Variants in TESC observed in about 807,000 individuals in gnomAD.
TESC encodes the protein calcineurin B homologous protein 3.
TESC carries 19 observed loss-of-function variants against 31.0 expected under a neutral mutation model. The ratio of observed to expected loss-of-function variants is 0.61; its 90% CI spans 0.43 to 0.90. TESC has a LOEUF of 0.90. Among genes scored for constraint, TESC ranks in the 40% least tolerant of loss-of-function variants. The pLI is 0.00. For synonymous variants in TESC, 109 were observed against 114.8 expected, an observed-to-expected ratio of 0.95 and a Z score of 0.32; for missense variants, 248 against 303.8, an observed-to-expected ratio of 0.82 and a Z score of 1.36.
chr12:117,040,756 A>G (rs1277490854), intron 7 of TESC, among the ~76,000 whole-genome samples: 1 of 152,080 alleles, frequency 6.6e-6, no homozygotes, highest in Non-Finnish European at 1.5e-5. Flanking sequence ...TCAGCCTTTC[A>G]TCACAGCCAG....
At chr12:117,039,287 C>A (rs1954447680) in intron 7 of TESC, 77 bp from the exon 8 acceptor site, 3 of 1,397,288 alleles carry the variant, frequency 2.1e-6, no homozygotes, top group Non-Finnish European at 3.0e-6. Flanking sequence ...GGTCCTCGGC[C>A]CTTCCCACCT....
intron 1 of TESC, among the ~76,000 whole-genome samples, chr12:117,081,205 G>T (rs1184234356): frequency 6.6e-6 from 1 of 152,176 alleles, no homozygotes; most frequent in Non-Finnish European, 1.5e-5. Flanking sequence ...AGCCCAGACT[G>T]AGATGGGCTG....
intron 7 of TESC, among the ~76,000 whole-genome samples, chr12:117,039,672 G>A (rs544954488): frequency 6.6e-6 from 1 of 152,208 alleles, no homozygotes; most frequent in African/African-American, 2.4e-5. Context: ...CGGTCACAAG[G>A]CTTCGCTAGG....
chr12:117,071,039 G>A (rs1954965289), intron 2 of TESC, among the ~76,000 whole-genome samples: 1 of 152,164 alleles, frequency 6.6e-6, no homozygotes, highest in Non-Finnish European at 1.5e-5. Context: ...CAAATAATAA[G>A]AGCTTACATT....
At position 117,075,905 on chromosome 12, in the gene TESC, A is replaced by G. The variant is rs1195765241; in HGVS notation, c.59-565T>C. ...TATATATATATATATATATATATAT[A>G]TATATATATGTGTGTGTGTATATAT... On this transcript the variant is annotated intron_variant, in intron 1 of 7. Coordinates refer to ENST00000335209, the MANE Select transcript of TESC (RefSeq NM_017899.4). Among the ~76,000 whole-genome samples the G allele has an allele frequency of 3.6e-3, 275 of 76,688 alleles. 19 individuals carry two copies. The highest frequency in any genetic ancestry group is 0.023 in the African/African-American group (247 of 10,690). 50.3% of individuals were successfully genotyped at this position (76,688 alleles called of 152,430 possible).
rs1954733500 is a variant in TESC at position 117,056,858 on chromosome 12, G to A, written c.157C>T (p.Leu53=). The change falls in exon 3 of 8, where the codon CTG becomes TTG. Residue 53 remains leucine, a synonymous_variant. Transcript: ENST00000335209. ...TTGGATCGGATGGGGTTGAGCTCCA[G>A]GTCCGGGACATTGTTGAAGTTCTCC... ...RKENFNNVPD[L]ELNPIRSKIV... is the part of the protein sequence containing the mutation. 1.2e-6 allele frequency: 2 copies of A among 1,614,156 alleles called. No homozygotes were observed. The highest frequency in any genetic ancestry group is 2.2e-5 in the South Asian group (2 of 91,068).
intron 1 of TESC, among the ~76,000 whole-genome samples, chr12:117,091,680 C>T (rs1955311474): frequency 6.6e-6 from 1 of 152,230 alleles, no homozygotes. Context: ...CTGCCTCTTC[C>T]TCCCAGCCGT....
At chr12:117,086,290 T>G (rs1955218831) in intron 1 of TESC, among the ~76,000 whole-genome samples, 1 of 151,964 alleles carries the variant, frequency 6.6e-6, no homozygotes, top group Non-Finnish European at 1.5e-5. Flanking sequence ...TTAATAGGGA[T>G]GGGGTTTCAC....
intron 1 of TESC, among the ~76,000 whole-genome samples, chr12:117,075,869 A>ATATATATATGTGTG (rs1955049402): frequency 3.2e-5 from 1 of 31,442 alleles, no homozygotes; most frequent in African/African-American, 8.3e-5. Context: ...ATATATATAT[A>ATATATATATGTGTG]TGTGTGTATA....
intron 6 of TESC, among the ~76,000 whole-genome samples, chr12:117,043,952 TAAA>T (rs1295497734): frequency 6.6e-6 from 1 of 151,402 alleles, no homozygotes; most frequent in East Asian, 2.0e-4. Context: ...TCTTTATACT[TAAA>T]AAAATTTTGG....
At chr12:117,067,037 A>G (rs191347150) in intron 2 of TESC, among the ~76,000 whole-genome samples, 5 of 151,836 alleles carry the variant, frequency 3.3e-5, no homozygotes, top group African/African-American at 2.4e-5. Flanking sequence ...CTGCCTTAAC[A>G]CTCTCACCTA....
intron 1 of TESC, chr12:117,083,981 C>G (rs765717840): frequency 1.3e-5 from 2 of 151,786 alleles, no homozygotes; most frequent in African/African-American, 4.8e-5. Flanking sequence ...GTAGTCCCAG[C>G]TTCTGGGGAG....
chr12:117,087,295 C>T (rs916380561), intron 1 of TESC, among the ~76,000 whole-genome samples: 4 of 152,214 alleles, frequency 2.6e-5, no homozygotes, highest in African/African-American at 9.7e-5. Flanking sequence ...TAATTGCTGG[C>T]ATTTATGCAG....
At chr12:117,044,485 G>C (rs776061890) in intron 6 of TESC, among the ~76,000 whole-genome samples, 8 of 152,184 alleles carry the variant, frequency 5.3e-5, no homozygotes, top group Non-Finnish European at 1.0e-4. Context: ...GGCTGGAAAG[G>C]GGGTGATCGG....
At chr12:117,055,705 T>C (rs1215306567) in intron 3 of TESC, among the ~76,000 whole-genome samples, 8 of 152,184 alleles carry the variant, frequency 5.3e-5, no homozygotes, top group Non-Finnish European at 1.2e-4. Context: ...GGCAGCTCTC[T>C]GGAGGGGCCC....
At chr12:117,067,338 G>A (rs914963585) in intron 2 of TESC, among the ~76,000 whole-genome samples, 7 of 152,140 alleles carry the variant, frequency 4.6e-5, no homozygotes, top group African/African-American at 1.2e-4. Context: ...ACTGAGGCAG[G>A]AGTATTGCTT....
chr12:117,099,374 C>A lies in TESC; in HGVS notation c.-92G>T, dbSNP rs1279795597. On this transcript the variant is annotated 5_prime_UTR_variant, in exon 1 of 8. Transcript: ENST00000335209. ...GCGGCGGGACTGGCCTCGGGTCCGG[C>A]CTCGGGTCGGGACGCCGGCGAAGGC... 2 of 1,257,880 alleles carry A rather than the reference C, an allele frequency of 1.6e-6. No homozygotes were observed. 77.9% of individuals were successfully genotyped at this position (1,257,880 alleles called of 1,614,324 possible). A position where few individuals can be genotyped will look rare whatever the true frequency, so the allele number is the denominator to read the frequency against.
intron 1 of TESC, among the ~76,000 whole-genome samples, chr12:117,079,582 C>G (rs1159881723): frequency 6.6e-6 from 1 of 151,830 alleles, no homozygotes; most frequent in African/African-American, 2.4e-5. Flanking sequence ...AAAGCGTTAC[C>G]TTGAAAGCAT....
intron 2 of TESC, among the ~76,000 whole-genome samples, chr12:117,074,185 C>A (rs959164064): frequency 1.3e-5 from 2 of 152,014 alleles, no homozygotes; most frequent in Admixed American, 6.6e-5. Flanking sequence ...CATAGCAAGA[C>A]CCTGCTTCTA....
Sources: gnomAD v4.1 joint callset for allele counts (sites outside exome capture counted in the v4.1 genomes callset) on GRCh38, gnomAD v4.1.1 for gene constraint, MANE v1.5 for transcripts, NCBI Gene and HGNC (gene_info 2026-07-23, HGNC 2026-07-21) for gene names.